The following ITGAE variants were observed in gnomAD, a reference collection of about 807,000 sequenced individuals.
ITGAE encodes integrin subunit alpha E, also known as integrin alpha-E.
Under a neutral mutation model 136.5 loss-of-function variants are expected in ITGAE, and 99 were observed. That is an observed-to-expected ratio of 0.73 (90% CI 0.62 to 0.86). The LOEUF (loss-of-function observed/expected upper bound fraction) is 0.86, where lower values mean the gene tolerates loss of function less well. Among genes scored for constraint, ITGAE ranks in the 40% least tolerant of loss-of-function variants. The pLI is 0.00. For missense variants in ITGAE, 1,447 were observed against 1,515.3 expected (o/e 0.95, Z 0.75); for synonymous variants, 613 against 591.8 (o/e 1.04, Z -0.52).
In ITGAE at chr17:3,728,090, A is replaced by G. The variant is rs1188008268; in HGVS notation, c.2976+15T>C. On this transcript the variant is annotated intron_variant, in intron 25 of 30. Transcript: ENST00000263087. ...TTGCTTTGCCATCTACAGCTTTACA[A>G]TAATAAGTACTTACATGGAAGAGGA... 1.3e-5 allele frequency: 21 copies of G among 1,608,686 alleles called. No homozygotes were observed. The highest frequency in any genetic ancestry group is 2.2e-5 in the South Asian group (2 of 90,988).
rs544464742 is a variant in ITGAE, at chr17:3,799,321, G to A, written c.34+1790C>T. On this transcript the variant is annotated intron_variant, in intron 1 of 30. Coordinates refer to ENST00000263087, the MANE Select transcript of ITGAE (RefSeq NM_002208.5). This position sits in a 1 kb window ranked among gnomAD's most constrained non-coding sequence, Gnocchi z 4.1. ...GGGGCCCTGCTCTGGTCCCCTTCCC[G>A]TGGCTGAGCTGAGCTGTGGGCTAAG... 3.9e-5 allele frequency among the ~76,000 whole-genome samples: 6 copies of A among 152,208 alleles called. No individual in the cohort carries two copies. Among genetic ancestry groups the A allele is most frequent in the South Asian group, 2.1e-4 (1 of 4,822 alleles).
At chr17:3,756,400 A>AT (rs34579296) in intron 10 of ITGAE, among the ~76,000 whole-genome samples, 1,509 of 119,376 alleles carry the variant, frequency 0.013, 37 homozygotes, top group East Asian at 0.099. Flanking sequence ...CGCCTGGCTA[A>AT]TTTTTTTTTT....
chr17:3,768,148 A>G (rs988659406), intron 2 of ITGAE, among the ~76,000 whole-genome samples: 82 of 151,834 alleles, frequency 5.4e-4, no homozygotes, highest in African/African-American at 2.0e-3. Flanking sequence ...TTTTTAAGAC[A>G]GAGTCTCCTT....
intron 21 of ITGAE, among the ~76,000 whole-genome samples, chr17:3,734,601 G>C (rs1267970948): frequency 6.6e-6 from 1 of 152,198 alleles, no homozygotes; most frequent in Non-Finnish European, 1.5e-5. Context: ...TGAAGAAAGG[G>C]CCGCACATAG....
At chr17:3,794,878 T>TG (rs1325665516) in intron 1 of ITGAE, among the ~76,000 whole-genome samples, 1 of 151,984 alleles carries the variant, frequency 6.6e-6, no homozygotes, top group Admixed American at 6.6e-5. Context: ...AAGGCACGAG[T>TG]GGAGGCCGCA....
At chr17:3,749,974 C>G (rs1284912823) in intron 16 of ITGAE, among the ~76,000 whole-genome samples, 1 of 152,096 alleles carries the variant, frequency 6.6e-6, no homozygotes, top group African/African-American at 2.4e-5. Context: ...CAAGATTACA[C>G]CACTGCACTC....
At position 3,755,210 on chromosome 17, in the gene ITGAE, A is replaced by G. The variant is rs2143022991; in HGVS notation, c.1291T>C (p.Leu431=). Residue 431 remains leucine, a synonymous_variant, in exon 12 of 31, where the codon TTG becomes CTG. Transcript: ENST00000263087. Reference sequence around the variant, plus strand: ...CGGCGGCTGCGTGTGTCGTAGAGCAACGCCCCTCCGGACCAGTCAAAGGCC... The same window carrying G: ...CGGCGGCTGCGTGTGTCGTAGAGCAGCGCCCCTCCGGACCAGTCAAAGGCC... ...VGAFDWSGGA[L]LYDTRSRRGR... is the part of the protein sequence containing the mutation. The G allele has an allele frequency of 6.4e-7, 1 of 1,564,866 alleles. No individual in the cohort carries two copies. Among genetic ancestry groups the G allele is most frequent in the Non-Finnish European group, 8.6e-7 (1 of 1,158,702 alleles).
intron 10 of ITGAE, 55 bp from the exon 11 acceptor site, chr17:3,755,952 T>G: frequency 6.6e-7 from 1 of 1,517,978 alleles, no homozygotes; most frequent in Non-Finnish European, 9.0e-7. Context: ...AGGGAGAAAC[T>G]GAGTCAGGGG....
At chr17:3,751,498 C>T in intron 15 of ITGAE, 152 bp downstream of exon 15, 1 of 674,338 alleles carries the variant, frequency 1.5e-6, no homozygotes, top group Admixed American at 2.8e-5. Flanking sequence ...GAAGCTCCCC[C>T]TAGCCTGGGG....
intron 1 of ITGAE, among the ~76,000 whole-genome samples, chr17:3,795,186 T>C (rs1057014280): frequency 2.6e-5 from 4 of 152,120 alleles, no homozygotes; most frequent in African/African-American, 9.7e-5. Context: ...CATCCTGTGG[T>C]CTGTCTGGCT....
chr17:3,748,155 C>T (rs991604709), intron 16 of ITGAE, 103 bp from the exon 17 acceptor site: 1 of 1,205,310 alleles, frequency 8.3e-7, no homozygotes, highest in Non-Finnish European at 1.2e-6. Flanking sequence ...TCAAACATGC[C>T]CACATCCAGG....
Position 3,756,985 on chromosome 17 carries a change from T to C in ITGAE, c.1170A>G (p.Glu390=), listed in dbSNP as rs778918120. 2.5e-6 allele frequency: 4 copies of C among 1,613,038 alleles called. No individual in the cohort carries two copies. The highest frequency in any genetic ancestry group is 2.7e-5 in the African/African-American group (2 of 74,946). Residue 390 remains glutamate, a splice_region_variant and synonymous_variant, in exon 10 of 31, where the codon GAA becomes GAG. Transcript: ENST00000263087. The stretch of plus-strand genomic sequence containing the variant: ...TGGCCTGGGTCCCGGAGCCCTCACC[T>C]TCCATGCTGATGATGTTGTACCGCA... The part of the protein sequence containing the change: ...SKLRYNIISM[E]GTVGDALHYQ...
At chr17:3,719,962 G>A (rs1597292310) in intron 29 of ITGAE, among the ~76,000 whole-genome samples, 1 of 152,178 alleles carries the variant, frequency 6.6e-6, no homozygotes, top group African/African-American at 2.4e-5. Context: ...CTGACCTCAG[G>A]TGATCCACCT....
chr17:3,736,525 G>A lies in ITGAE; in HGVS notation c.2523-1576C>T, dbSNP rs150782769. 1.1e-4 allele frequency among the ~76,000 whole-genome samples: 17 copies of A among 152,160 alleles called. 1 individual carries two copies. The highest frequency in any genetic ancestry group is 3.4e-3 in the Middle Eastern group (1 of 294). On this transcript the variant is annotated intron_variant, in intron 20 of 30. Coordinates refer to ENST00000263087, the MANE Select transcript of ITGAE (RefSeq NM_002208.5). ...TGCATAAGACATACTGTCCTACCCC[G>A]TTTCTTGGCCTCAGCTTCCTACCCA... is the stretch of plus-strand genomic sequence containing the variant.
chr17:3,761,529 G>T lies in ITGAE; in HGVS notation c.316-9C>A. 1 of 1,605,718 alleles carries T rather than the reference G, an allele frequency of 6.2e-7. No homozygotes were observed. The highest frequency in any genetic ancestry group is 1.3e-5 in the African/African-American group (1 of 74,802). On this transcript the variant is annotated splice_polypyrimidine_tract_variant and intron_variant, in intron 4 of 30. Transcript: ENST00000263087. ...AGCACTTGAATGCATATCTGTGGGA[G>T]GGAAGAGAGGGTGGGGAAACACCAG...
At chr17:3,755,325 G>A in intron 11 of ITGAE, 64 bp from the exon 12 acceptor site, 2 of 1,456,276 alleles carry the variant, frequency 1.4e-6, no homozygotes, top group Non-Finnish European at 1.8e-6. Context: ...CACGGTGGCC[G>A]CGGGTCTCCG....
At chr17:3,757,604 C>G in intron 9 of ITGAE, 102 bp downstream of exon 9, 1 of 1,246,862 alleles carries the variant, frequency 8.0e-7, no homozygotes, top group Non-Finnish European at 1.1e-6. Flanking sequence ...AGAACAGGGT[C>G]TGGATAAGCT....
intron 26 of ITGAE, chr17:3,725,113 AG>A: frequency 1.2e-6 from 2 of 1,614,210 alleles, no homozygotes; most frequent in Non-Finnish European, 1.7e-6. Flanking sequence ...TTCCACAAGA[AG>A]AAAATTGTGA....
rs1412639920 is a variant in ITGAE, at chr17:3,801,164, G to A, written c.-20C>T. On this transcript the variant is annotated 5_prime_UTR_variant, in exon 1 of 31. Coordinates refer to ENST00000263087, the MANE Select transcript of ITGAE (RefSeq NM_002208.5). Reference sequence around the variant, plus strand: ...CCACATCCTTGCTGGAGCAGAGGCGGCTGTGTGGGAGCCGAGGCGAGTGCG... The same window carrying A: ...CCACATCCTTGCTGGAGCAGAGGCGACTGTGTGGGAGCCGAGGCGAGTGCG... 6.2e-7 allele frequency: 1 copy of A among 1,609,484 alleles called. No homozygotes were observed. The highest frequency in any genetic ancestry group is 8.5e-7 in the Non-Finnish European group (1 of 1,179,916).
Sources: gnomAD v4.1 joint callset for allele counts (sites outside exome capture counted in the v4.1 genomes callset) on GRCh38, gnomAD v4.1.1 for gene constraint, Gnocchi (gnomAD v3.1) non-coding constraint, MANE v1.5 for transcripts, NCBI Gene and HGNC (gene_info 2026-07-23, HGNC 2026-07-21) for gene names.